Variants in ELAPOR2 observed in about 807,000 individuals in gnomAD.
ELAPOR2 encodes endosome-lysosome associated apoptosis and autophagy regulator family member 2.
Under a neutral mutation model 120.7 loss-of-function variants are expected in ELAPOR2, and 89 were observed. That is an observed-to-expected ratio of 0.74 (90% CI 0.62 to 0.88). ELAPOR2 has a LOEUF of 0.88. ELAPOR2 is among the 40% of genes least tolerant of loss of function. The pLI is 0.00. For missense variants in ELAPOR2, 1,134 were observed against 1,251.6 expected, an observed-to-expected ratio of 0.91 and a Z score of 1.42; for synonymous variants, 444 against 444.9, an observed-to-expected ratio of 1.00 and a Z score of 0.03.
At chr7:86,885,329 A>G (rs1799636297) in intron 21 of ELAPOR2, among the ~76,000 whole-genome samples, 1 of 152,198 alleles carries the variant, frequency 6.6e-6, no homozygotes, top group African/African-American at 2.4e-5. Flanking sequence ...CAAATAAATG[A>G]TGTCAGTAAA....
intron 21 of ELAPOR2, among the ~76,000 whole-genome samples, chr7:86,890,349 A>T (rs929364774): frequency 4.6e-5 from 7 of 151,988 alleles, no homozygotes; most frequent in Admixed American, 1.3e-4. Flanking sequence ...GTCTCCCAGA[A>T]GCAATGGACA....
At chr7:86,886,844 T>G (rs1457774042) in intron 21 of ELAPOR2, among the ~76,000 whole-genome samples, 2 of 152,106 alleles carry the variant, frequency 1.3e-5, no homozygotes, top group Non-Finnish European at 2.9e-5. Flanking sequence ...GAGGTTCTAC[T>G]ACATGTTGGG....
chr7:86,911,285 C>G (rs1039780327), intron 15 of ELAPOR2, among the ~76,000 whole-genome samples: 11 of 152,086 alleles, frequency 7.2e-5, no homozygotes, highest in African/African-American at 2.7e-4. Flanking sequence ...AACAGGACAG[C>G]TGTCATACTA....
rs34772926 is a variant in ELAPOR2, at chr7:86,913,122, C to G, written c.1814G>C (p.Arg605Pro). The G allele has an allele frequency of 6.2e-7, 1 of 1,613,990 alleles. No individual in the cohort carries two copies. Among genetic ancestry groups the G allele is most frequent in the Non-Finnish European group, 8.5e-7 (1 of 1,179,992 alleles). ...NAVDGVASSC[R>P]ACALGSEQSG... ...CTGTTCAGAACCGAGGGCACAGGCA[C>G]GGCATGAGGACGCCACCCCATCAAC... The change falls in exon 14 of 22, where the codon CGT becomes CCT. Residue 605 changes from arginine (R) to proline (P), a missense_variant. By Grantham distance (103) the Arg-to-Pro change is moderately radical. Coordinates refer to ENST00000450689, the MANE Select transcript of ELAPOR2 (RefSeq NM_001142749.3).
intron 1 of ELAPOR2, chr7:86,966,007 C>A (rs1791888946): frequency 1.0e-6 from 1 of 975,642 alleles, no homozygotes; most frequent in Non-Finnish European, 1.2e-6. Flanking sequence ...CTAATTTTAA[C>A]ATTTTTTGCA....
In ELAPOR2 at chr7:86,918,507, G is replaced by C; in HGVS notation, c.1528C>G (p.Leu510Val). Residue 510 changes from leucine (L) to valine (V), a missense_variant, in exon 12 of 22, where the codon CTA becomes GTA. Around this residue, in one of 3 missense-constraint regions of ELAPOR2, gnomAD observed 831 missense variants for 867.6 expected, o/e 0.96. Coordinates refer to ENST00000450689, the MANE Select transcript of ELAPOR2 (RefSeq NM_001142749.3). ...TSMTGATGSE[L>V]GRITFVFETL... is the part of the protein sequence containing the mutation. ...TCAAAGACAAATGTTATTCTTCCTA[G>C]TTCAGAACCCGTGGCTCCAGTCATA... The C allele has an allele frequency of 6.2e-7, 1 of 1,613,040 alleles. No individual in the cohort carries two copies. Among genetic ancestry groups the C allele is most frequent in the Non-Finnish European group, 8.5e-7 (1 of 1,179,268 alleles).
chr7:86,962,521 G>A (rs896934730), intron 2 of ELAPOR2, among the ~76,000 whole-genome samples: 3 of 152,194 alleles, frequency 2.0e-5, no homozygotes, highest in African/African-American at 7.2e-5. Flanking sequence ...AGACCTGGAA[G>A]CTTCTCCAGG....
intron 1 of ELAPOR2, among the ~76,000 whole-genome samples, chr7:86,993,836 G>T (rs899863599): frequency 1.3e-5 from 2 of 152,146 alleles, no homozygotes; most frequent in Non-Finnish European, 2.9e-5. Flanking sequence ...AAGTTCATGT[G>T]TTCCCTCTAT....
At chr7:86,901,405 T>C (rs1239572131) in intron 18 of ELAPOR2, among the ~76,000 whole-genome samples, 2 of 152,204 alleles carry the variant, frequency 1.3e-5, no homozygotes, top group Non-Finnish European at 2.9e-5. Context: ...TATTAGTGTC[T>C]TCTTTTAAAT....
chr7:87,045,085 A>G (rs200891733), intron 1 of ELAPOR2, among the ~76,000 whole-genome samples: 11,807 of 112,716 alleles, frequency 0.1, 481 homozygotes, highest in African/African-American at 0.16. Flanking sequence ...TTAGAATGGC[A>G]ATCATTAAAA....
chr7:86,939,858 G>A (rs113175513), intron 6 of ELAPOR2, 152 bp downstream of exon 6: 86 of 420,666 alleles, frequency 2.0e-4, no homozygotes, highest in African/African-American at 1.6e-3. Flanking sequence ...TTTCTTGGGA[G>A]TAAAACCAGG....
At chr7:86,925,087 A>G (rs980608731) in intron 10 of ELAPOR2, among the ~76,000 whole-genome samples, 2 of 152,028 alleles carry the variant, frequency 1.3e-5, no homozygotes, top group Non-Finnish European at 2.9e-5. Context: ...ATTCATATAT[A>G]CTTTGTAAAT....
intron 18 of ELAPOR2, among the ~76,000 whole-genome samples, chr7:86,906,786 C>T (rs1789041198): frequency 1.3e-5 from 2 of 151,976 alleles, no homozygotes; most frequent in Non-Finnish European, 2.9e-5. Context: ...CCCAACCCAG[C>T]TTGGGAGGCT....
At position 86,878,883 on chromosome 7, in the gene ELAPOR2, T is replaced by C. The variant is rs546593010; in HGVS notation, c.*1588A>G. 5.6e-4 allele frequency: 86 copies of C among 152,314 alleles called. No individual in the cohort carries two copies. Among genetic ancestry groups the C allele is most frequent in the African/African-American group, 2.0e-3 (85 of 41,576 alleles). 9.4% of individuals were successfully genotyped at this position (152,314 alleles called of 1,614,324 possible). A position where few individuals can be genotyped will look rare whatever the true frequency, so the allele number is the denominator to read the frequency against. On this transcript the variant is annotated 3_prime_UTR_variant, in exon 22 of 22. Transcript: ENST00000450689. ...ACTCATATGTGCAACAGCAGAGATA[T>C]ACACAAAACATTCATTCAATAATAA... is the stretch of plus-strand genomic sequence containing the variant.
In ELAPOR2 at chr7:86,912,251, A is replaced by T; in HGVS notation, c.1996-6T>A. 1 of 1,569,538 alleles carries T rather than the reference A, an allele frequency of 6.4e-7. No homozygotes were observed. Among genetic ancestry groups the T allele is most frequent in the African/African-American group, 1.4e-5 (1 of 73,912 alleles). On this transcript the variant is annotated splice_polypyrimidine_tract_variant and splice_region_variant and intron_variant, in intron 14 of 21. Transcript: ENST00000450689. ...CTATAGCAAACCGAATGGTCCTTTGATTAAAGATAAAGAAACAATATAGCA... is the reference window on the plus strand; with the variant it reads ...CTATAGCAAACCGAATGGTCCTTTGTTTAAAGATAAAGAAACAATATAGCA...
At chr7:86,994,877 G>A (rs1158880440) in intron 1 of ELAPOR2, among the ~76,000 whole-genome samples, 1 of 152,048 alleles carries the variant, frequency 6.6e-6, no homozygotes, top group Non-Finnish European at 1.5e-5. Flanking sequence ...AACATGATAA[G>A]TATCAATGTA....
intron 1 of ELAPOR2, among the ~76,000 whole-genome samples, chr7:87,020,605 T>G (rs1408537961): frequency 6.6e-6 from 1 of 152,136 alleles, no homozygotes; most frequent in African/African-American, 2.4e-5. Context: ...TGCCAGGAGC[T>G]GCAGGGAGGA....
At chr7:87,000,335 C>T (rs1635009) in intron 1 of ELAPOR2, among the ~76,000 whole-genome samples, 57,513 of 151,900 alleles carry the variant, frequency 0.38, 11,743 homozygotes, top group African/African-American at 0.53. Context: ...CCAAGCCTTT[C>T]CTCTGGGTGG....
At chr7:86,938,993 G>A in intron 6 of ELAPOR2, 33 bp from the exon 7 acceptor site, 1 of 1,611,098 alleles carries the variant, frequency 6.2e-7, no homozygotes, top group East Asian at 2.2e-5. Context: ...GCATGGGAGG[G>A]GGACCCAATA....
Sources: allele counts gnomAD v4.1 joint callset (sites outside exome capture counted in the v4.1 genomes callset), GRCh38; gene constraint gnomAD v4.1.1; regional missense constraint gnomAD v4.1.1; transcripts MANE v1.5; gene names NCBI Gene and HGNC (gene_info 2026-07-23, HGNC 2026-07-21).